Variants in SRGAP1 observed in about 807,000 individuals in gnomAD.
SRGAP1 encodes the protein SLIT-ROBO Rho GTPase activating protein 1, also known as SLIT-ROBO Rho GTPase-activating protein 1.
SRGAP1 carries 43 observed loss-of-function variants against 121.9 expected under a neutral mutation model. That is an observed-to-expected ratio of 0.35 (90% confidence interval 0.28 to 0.46). The LOEUF is 0.46. SRGAP1 is among the 20% of genes least tolerant of loss of function. SRGAP1 has a pLI of 1.00. For synonymous variants in SRGAP1, 447 were observed against 485.4 expected (o/e 0.92, Z 1.04); for missense variants, 1,102 against 1,350.9 (o/e 0.82, Z 2.89).
intron 1 of SRGAP1, among the ~76,000 whole-genome samples, chr12:63,860,513 G>A (rs1899407611): frequency 6.6e-6 from 1 of 151,952 alleles, no homozygotes; most frequent in African/African-American, 2.4e-5. Context: ...AGTCATCTGG[G>A]TCTCACATTT....
chr12:63,885,700 T>G (rs781062555), intron 1 of SRGAP1, among the ~76,000 whole-genome samples: 1 of 152,088 alleles, frequency 6.6e-6, no homozygotes, highest in Non-Finnish European at 1.5e-5. Flanking sequence ...CCTGGGCAAG[T>G]AGAAGAAAAA....
chr12:64,076,623 T>C (rs2035742456), intron 8 of SRGAP1, among the ~76,000 whole-genome samples: 1 of 152,084 alleles, frequency 6.6e-6, no homozygotes, highest in African/African-American at 2.4e-5. Flanking sequence ...ATGTCTAATA[T>C]ACTAATTGAA....
chr12:64,068,595 A>G (rs1446589681), intron 8 of SRGAP1, among the ~76,000 whole-genome samples: 1 of 151,538 alleles, frequency 6.6e-6, no homozygotes, highest in East Asian at 2.0e-4. Context: ...TTGGCCTCCC[A>G]AGATGCTGGG....
chr12:63,953,084 G>C (rs1049850179), intron 1 of SRGAP1, among the ~76,000 whole-genome samples: 1 of 152,216 alleles, frequency 6.6e-6, no homozygotes, highest in African/African-American at 2.4e-5. Flanking sequence ...CACACAAATA[G>C]TAAGTGGCAG....
chr12:63,947,537 A>G (rs2032089739), intron 1 of SRGAP1, among the ~76,000 whole-genome samples: 1 of 152,202 alleles, frequency 6.6e-6, no homozygotes, highest in Non-Finnish European at 1.5e-5. Context: ...CTCTAGAACT[A>G]TCCATTGAAG....
intron 13 of SRGAP1, 26 bp downstream of exon 13, chr12:64,095,018 A>C: frequency 6.2e-7 from 1 of 1,613,110 alleles, no homozygotes; most frequent in Non-Finnish European, 8.5e-7. Flanking sequence ...CAGAATTCTT[A>C]TTTTTTAAAA....
chr12:63,869,870 G>A (rs1899789805), intron 1 of SRGAP1, among the ~76,000 whole-genome samples: 1 of 152,190 alleles, frequency 6.6e-6, no homozygotes, highest in Admixed American at 6.5e-5. Context: ...TACATTCACA[G>A]TGTGTTCTTT....
At chr12:64,068,397 A>G (rs1457708187) in intron 8 of SRGAP1, among the ~76,000 whole-genome samples, 2 of 151,968 alleles carry the variant, frequency 1.3e-5, no homozygotes, top group African/African-American at 4.8e-5. Context: ...GTGCAGAGGC[A>G]CAATCACAGC....
intron 8 of SRGAP1, among the ~76,000 whole-genome samples, chr12:64,076,547 G>A (rs1043323240): frequency 6.6e-6 from 1 of 151,682 alleles, no homozygotes; most frequent in Non-Finnish European, 1.5e-5. Flanking sequence ...TAATAAAAAC[G>A]CAGCATCAAA....
At chr12:64,069,118 C>T (rs573604787) in intron 8 of SRGAP1, among the ~76,000 whole-genome samples, 2 of 152,178 alleles carry the variant, frequency 1.3e-5, no homozygotes, top group East Asian at 3.9e-4. Context: ...ACCTGTGTTT[C>T]TACAGGACGG....
chr12:64,141,658 T>G (rs1346359901), intron 21 of SRGAP1, among the ~76,000 whole-genome samples: 2 of 151,872 alleles, frequency 1.3e-5, no homozygotes, highest in Admixed American at 6.6e-5. Context: ...AATTCTATAT[T>G]AATAAGTCAG....
At chr12:63,875,179 G>T (rs1382687026) in intron 1 of SRGAP1, among the ~76,000 whole-genome samples, 1 of 152,164 alleles carries the variant, frequency 6.6e-6, no homozygotes, top group East Asian at 1.9e-4. Context: ...CTCCCAAAGT[G>T]TTGGATATTA....
chr12:64,082,650 A>G (rs1418674995), intron 10 of SRGAP1, among the ~76,000 whole-genome samples: 2 of 152,186 alleles, frequency 1.3e-5, no homozygotes, highest in East Asian at 1.9e-4. Context: ...GGGTCTCACC[A>G]TGTTGGCCAG....
intron 8 of SRGAP1, among the ~76,000 whole-genome samples, chr12:64,066,847 C>A (rs987577569): frequency 6.6e-6 from 1 of 152,168 alleles, no homozygotes; most frequent in Admixed American, 6.5e-5. Context: ...TTACTGGATC[C>A]TATTCTATCT....
chr12:63,970,908 T>C (rs1489994332), intron 1 of SRGAP1, among the ~76,000 whole-genome samples: 1 of 152,236 alleles, frequency 6.6e-6, no homozygotes, highest in Non-Finnish European at 1.5e-5. Flanking sequence ...AAGCATTTCC[T>C]GTAATAAATG....
intron 2 of SRGAP1, among the ~76,000 whole-genome samples, chr12:63,987,288 G>A (rs182814574): frequency 6.6e-6 from 1 of 152,150 alleles, no homozygotes; most frequent in East Asian, 1.9e-4. Context: ...AACATTCTTT[G>A]GCCTAAAGAT....
intron 1 of SRGAP1, among the ~76,000 whole-genome samples, chr12:63,957,004 AT>A (rs1394400731): frequency 6.6e-6 from 1 of 152,192 alleles, no homozygotes; most frequent in Non-Finnish European, 1.5e-5. Context: ...TTCATTTAGC[AT>A]AATATTTTGA....
chr12:64,034,097 C>G (rs1418431098), intron 4 of SRGAP1, among the ~76,000 whole-genome samples: 1 of 152,106 alleles, frequency 6.6e-6, no homozygotes, highest in Non-Finnish European at 1.5e-5. Context: ...GGCTCCGTGT[C>G]CCCAACCAAA....
chr12:63,950,749 T>C (rs551588407), intron 1 of SRGAP1, among the ~76,000 whole-genome samples: 1 of 152,216 alleles, frequency 6.6e-6, no homozygotes, highest in Non-Finnish European at 1.5e-5. Flanking sequence ...TGACATTCTC[T>C]AAATGGAGCA....
Sources: allele counts gnomAD v4.1 joint callset (sites outside exome capture counted in the v4.1 genomes callset), GRCh38; gene constraint gnomAD v4.1.1; transcripts MANE v1.5; gene names NCBI Gene and HGNC (gene_info 2026-07-23, HGNC 2026-07-21).